The following COA8 variants were observed in gnomAD, a reference collection of about 807,000 sequenced individuals.
COA8 encodes the protein cytochrome c oxidase assembly factor 8.
A neutral mutation model predicts 22.0 loss-of-function variants in COA8; 20 were observed. The ratio of observed to expected loss-of-function variants is 0.91; its 90% confidence interval spans 0.64 to 1.32. The LOEUF (loss-of-function observed/expected upper bound fraction) is 1.32, where lower values mean the gene tolerates loss of function less well. Among genes scored for constraint, COA8 ranks in the 40% most tolerant of loss-of-function variants. The probability of loss-of-function intolerance (pLI) is 0.00; values close to 1 mark genes in which losing one functional copy is unlikely to be tolerated. For synonymous variants in COA8, 105 were observed against 79.9 expected (o/e 1.31, Z -1.68); for missense variants, 266 against 230.0 (o/e 1.16, Z -1.01).
At chr14:103,578,893 C>T (rs2142293918) in intron 3 of COA8, among the ~76,000 whole-genome samples, 1 of 152,204 alleles carries the variant, frequency 6.6e-6, no homozygotes, top group East Asian at 1.9e-4. Context: ...CCGCGCCCCT[C>T]CTGCCACACT....
chr14:103,582,186 G>A (rs1284530082), intron 3 of COA8, among the ~76,000 whole-genome samples: 1 of 152,112 alleles, frequency 6.6e-6, no homozygotes, highest in African/African-American at 2.4e-5. Context: ...CTTCCTGTTC[G>A]GGGACTGGGG....
chr14:103,575,144 G>A (rs1237730604), intron 3 of COA8, among the ~76,000 whole-genome samples: 1 of 152,248 alleles, frequency 6.6e-6, no homozygotes, highest in Non-Finnish European at 1.5e-5. Flanking sequence ...ACGCATGTGT[G>A]TGCGTACGTG....
At chr14:103,563,152 C>T in intron 1 of COA8, 28 bp downstream of exon 1, 2 of 1,539,514 alleles carry the variant, frequency 1.3e-6, no homozygotes, top group Non-Finnish European at 1.7e-6. Flanking sequence ...GACATTGGGC[C>T]GGGAGGGGTG....
At position 103,563,015 on chromosome 14, in the gene COA8, G is replaced by C. The variant is rs866692280; in HGVS notation, c.14G>C (p.Arg5Pro). 1.3e-6 allele frequency: 2 copies of C among 1,557,610 alleles called. No individual in the cohort carries two copies. The highest frequency in any genetic ancestry group is 2.7e-5 in the African/African-American group (2 of 73,950). Residue 5 changes from arginine to proline, a missense_variant, in exon 1 of 5, where the codon CGG becomes CCG. Transcript: ENST00000409074. Reference sequence around the variant, plus strand: ...GGGCGTGGGGCCATGGTGGTCTTGCGGGCGGGGAAGAAGACCTTTCTCCCC... The same window carrying C: ...GGGCGTGGGGCCATGGTGGTCTTGCCGGCGGGGAAGAAGACCTTTCTCCCC... MVVL[R>P]AGKKTFLPPL...
intron 2 of COA8, among the ~76,000 whole-genome samples, chr14:103,573,556 T>C (rs191452607): frequency 1.2e-3 from 176 of 151,936 alleles, no homozygotes; most frequent in Non-Finnish European, 2.3e-3. Context: ...TTTTTGTTGT[T>C]GTTGTTTTTG....
At position 103,582,833 on chromosome 14, in the gene COA8, G is replaced by A. The variant is rs960710602; in HGVS notation, c.386-4441G>A. ...ATTCCATGGCTTTTAGTAGTCACAA[G>A]ATTGTACAACTACATCACTAATTCT... On this transcript the variant is annotated intron_variant, in intron 3 of 4. Coordinates refer to ENST00000409074, the MANE Select transcript of COA8 (RefSeq NM_001370595.2). Among the ~76,000 whole-genome samples, 9 of 141,026 alleles carry A rather than the reference G, an allele frequency of 6.4e-5. No individual in the cohort carries two copies. In the South Asian group the frequency reaches 2.0e-3, roughly 32 times the overall value. The allele number at this position is 141,026 out of a possible 152,430, so 92.5% of individuals were successfully genotyped here.
At chr14:103,570,016 A>G (rs1021454736) in intron 1 of COA8, among the ~76,000 whole-genome samples, 2 of 151,900 alleles carry the variant, frequency 1.3e-5, no homozygotes, top group Admixed American at 6.6e-5. Context: ...GCCACCACGC[A>G]TGGCTAATTT....
chr14:103,574,557 C>T (rs989918584), intron 3 of COA8: 4 of 401,070 alleles, frequency 1.0e-5, no homozygotes, highest in African/African-American at 2.1e-5. Flanking sequence ...GCCTGAATAA[C>T]ATCTCATGCT....
chr14:103,566,335 G>T (rs978388602), intron 1 of COA8, among the ~76,000 whole-genome samples: 3 of 152,100 alleles, frequency 2.0e-5, no homozygotes, highest in African/African-American at 7.2e-5. Flanking sequence ...CGGGAGAATC[G>T]CTTGAACCCA....
At chr14:103,570,273 A>T (rs891729426) in intron 1 of COA8, among the ~76,000 whole-genome samples, 23 of 152,166 alleles carry the variant, frequency 1.5e-4, no homozygotes, top group African/African-American at 5.6e-4. Flanking sequence ...TCTAAAAAGG[A>T]TTCCTAAATT....
At position 103,574,143 on chromosome 14, in the gene COA8, A is replaced by G. The variant is rs1374691947; in HGVS notation, c.358A>G (p.Lys120Glu). ...ATTTATTCACTCAAGACTAAAAACT[A>G]AAGGCCTGGGCCTGAGAACTGAATC... is the stretch of plus-strand genomic sequence containing the variant. ...EEFIHSRLKT[K>E]GLGLRTESGQ... The change falls in exon 3 of 5, where the codon AAA becomes GAA. Residue 120 changes from lysine (K) to glutamate (E), a missense_variant. Transcript: ENST00000409074. The G allele has an allele frequency of 5.0e-6, 8 of 1,609,074 alleles. No homozygotes were observed. Among genetic ancestry groups the G allele is most frequent in the African/African-American group, 1.3e-5 (1 of 74,172 alleles).
chr14:103,589,925 AC>A (rs1425430484), intron 4 of COA8, among the ~76,000 whole-genome samples: 1 of 151,926 alleles, frequency 6.6e-6, no homozygotes, highest in Non-Finnish European at 1.5e-5. Context: ...AAAAAAAAAA[AC>A]ACCAAAGGAG....
chr14:103,589,073 G>A (rs74693906), intron 4 of COA8, among the ~76,000 whole-genome samples: 2,452 of 152,176 alleles, frequency 0.016, 63 homozygotes, highest in African/African-American at 0.055. Context: ...TGTGGCACTC[G>A]GGTGAAGAGG....
rs1301902929 is a variant in COA8 at position 103,571,708 on chromosome 14, T to G, written c.209T>G (p.Phe70Cys). 6.2e-7 allele frequency: 1 copy of G among 1,614,180 alleles called. No homozygotes were observed. Among genetic ancestry groups the G allele is most frequent in the South Asian group, 1.1e-5 (1 of 91,090 alleles). ...TATTCAAACCTTCGACCTGTTCACT[T>G]TTACATACCTGAAAATGAATCTCCA... ...DKYSNLRPVH[F>C]YIPENESPLE... is the part of the protein sequence containing the mutation. The change falls in exon 2 of 5, where the codon TTT becomes TGT. Residue 70 changes from phenylalanine (F) to cysteine (C), a missense_variant. Transcript: ENST00000409074.
chr14:103,587,480 C>T, intron 4 of COA8, 116 bp downstream of exon 4: 27 of 477,904 alleles, frequency 5.6e-5, no homozygotes, highest in South Asian at 2.8e-4. Context: ...AGTTGCAAGA[C>T]TTTATCAACT....
At chr14:103,579,962 C>CAAAAAA (rs373279860) in intron 3 of COA8, among the ~76,000 whole-genome samples, 1 of 117,612 alleles carries the variant, frequency 8.5e-6, no homozygotes, top group East Asian at 2.5e-4. Flanking sequence ...GACTCTGTCT[C>CAAAAAA]AAAAAAAAAA....
chr14:103,574,572 G>T, intron 3 of COA8: 1 of 373,108 alleles, frequency 2.7e-6, no homozygotes. Context: ...CATGCTGTTC[G>T]TTAAACAGAT....
At chr14:103,576,388 T>C (rs1359894507) in intron 3 of COA8, among the ~76,000 whole-genome samples, 1 of 152,200 alleles carries the variant, frequency 6.6e-6, no homozygotes, top group Non-Finnish European at 1.5e-5. Context: ...TCTAATAGGA[T>C]ATAACAGACT....
intron 3 of COA8, among the ~76,000 whole-genome samples, chr14:103,586,593 G>A (rs574599917): frequency 3.3e-5 from 5 of 150,506 alleles, no homozygotes; most frequent in South Asian, 2.1e-4. Context: ...GGCCCAGCCC[G>A]GCCTCCCAAA....
Sources: gnomAD v4.1 joint callset for allele counts (sites outside exome capture counted in the v4.1 genomes callset) on GRCh38, gnomAD v4.1.1 for gene constraint, MANE v1.5 for transcripts, NCBI Gene and HGNC (gene_info 2026-07-23, HGNC 2026-07-21) for gene names.